The following CNTNAP2 variants were observed in gnomAD, a reference collection of about 807,000 sequenced individuals.
CNTNAP2 encodes contactin associated protein 2.
A neutral mutation model predicts 155.2 loss-of-function variants in CNTNAP2; 98 were observed. The ratio of observed to expected loss-of-function variants is 0.63; its 90% CI spans 0.54 to 0.75. CNTNAP2 has a LOEUF of 0.75. Ranked by LOEUF, CNTNAP2 falls within the 30% of genes least tolerant of loss-of-function variation. The pLI is 0.00. For missense variants in CNTNAP2, 1,727 were observed against 1,688.1 expected (o/e 1.02, Z -0.40); for synonymous variants, 651 against 631.2 (o/e 1.03, Z -0.47).
chr7:147,772,444 C>T (rs1179383462), intron 13 of CNTNAP2, among the ~76,000 whole-genome samples: 4 of 59,734 alleles, frequency 6.7e-5, no homozygotes, highest in Admixed American at 2.4e-4. Flanking sequence ...TTCTCTCTCT[C>T]GCTATATATA....
At chr7:146,730,230 G>A (rs182747024) in intron 1 of CNTNAP2, among the ~76,000 whole-genome samples, 16 of 151,650 alleles carry the variant, frequency 1.1e-4, no homozygotes, top group East Asian at 2.0e-4. Context: ...ACTTGGTGAC[G>A]AACTCAGTTT....
intron 13 of CNTNAP2, among the ~76,000 whole-genome samples, chr7:147,751,561 A>G (rs1053262560): frequency 3.9e-5 from 6 of 152,254 alleles, no homozygotes; most frequent in African/African-American, 1.4e-4. Flanking sequence ...CATGAGAGGC[A>G]ATCATCGTCC....
chr7:148,246,542 A>T (rs1390524616), intron 20 of CNTNAP2, among the ~76,000 whole-genome samples: 1 of 152,200 alleles, frequency 6.6e-6, no homozygotes, highest in Non-Finnish European at 1.5e-5. Flanking sequence ...AACACCCCAC[A>T]TACGAGAATC....
At chr7:146,193,453 G>C (rs1330110766) in intron 1 of CNTNAP2, among the ~76,000 whole-genome samples, 1 of 152,234 alleles carries the variant, frequency 6.6e-6, no homozygotes, top group Non-Finnish European at 1.5e-5. Flanking sequence ...TGCATTCACA[G>C]GTTCAGTGCC....
At chr7:146,956,850 T>TG (rs1797447861) in intron 3 of CNTNAP2, among the ~76,000 whole-genome samples, 1 of 152,070 alleles carries the variant, frequency 6.6e-6, no homozygotes, top group African/African-American at 2.4e-5. Flanking sequence ...AAGAATAGCA[T>TG]GGGGGAATTA....
At chr7:146,259,153 TAA>T (rs1382883772) in intron 1 of CNTNAP2, among the ~76,000 whole-genome samples, 1 of 152,206 alleles carries the variant, frequency 6.6e-6, no homozygotes, top group African/African-American at 2.4e-5. Flanking sequence ...ACTGTGATTG[TAA>T]GTTTCCTGAG....
chr7:148,069,803 C>T (rs1004380309), intron 15 of CNTNAP2, among the ~76,000 whole-genome samples: 5 of 150,610 alleles, frequency 3.3e-5, no homozygotes, highest in Non-Finnish European at 7.4e-5. Context: ...GGGGAGGGGA[C>T]ATATGCATCT....
At chr7:147,618,053 T>C (rs1033513380) in intron 12 of CNTNAP2, among the ~76,000 whole-genome samples, 4 of 152,188 alleles carry the variant, frequency 2.6e-5, no homozygotes, top group African/African-American at 9.7e-5. Flanking sequence ...AAGACTTCTA[T>C]GCCCAAAGAA....
intron 1 of CNTNAP2, among the ~76,000 whole-genome samples, chr7:146,719,897 A>C (rs1801255440): frequency 1.3e-5 from 2 of 152,198 alleles, no homozygotes; most frequent in South Asian, 4.1e-4. Flanking sequence ...GTAAATACCC[A>C]GTAGGAGTGC....
chr7:147,037,423 G>A (rs1189622735), intron 3 of CNTNAP2, among the ~76,000 whole-genome samples: 2 of 147,490 alleles, frequency 1.4e-5, no homozygotes, highest in African/African-American at 5.0e-5. Context: ...TCTTTACTAG[G>A]TATTCGACAT....
intron 13 of CNTNAP2, among the ~76,000 whole-genome samples, chr7:147,794,357 C>T (rs984660058): frequency 1.3e-5 from 2 of 151,894 alleles, no homozygotes; most frequent in African/African-American, 4.8e-5. Context: ...GTGTTTCTAT[C>T]ATTAAAGGGT....
chr7:147,031,573 C>T (rs957386297), intron 3 of CNTNAP2, among the ~76,000 whole-genome samples: 3 of 152,160 alleles, frequency 2.0e-5, no homozygotes, highest in South Asian at 4.1e-4. Context: ...CAAAATTGTT[C>T]TGAGTGAAAG....
chr7:146,846,404 G>GA (rs34258208), intron 3 of CNTNAP2, among the ~76,000 whole-genome samples: 29 of 150,428 alleles, frequency 1.9e-4, no homozygotes, highest in Non-Finnish European at 2.7e-4. Context: ...AACTTGTATA[G>GA]AAAAAAAAAC....
chr7:147,233,290 G>A (rs1205265938), intron 8 of CNTNAP2, among the ~76,000 whole-genome samples: 1 of 152,090 alleles, frequency 6.6e-6, no homozygotes, highest in African/African-American at 2.4e-5. Context: ...CGGCTTGATG[G>A]ACAGGGTGAT....
At chr7:146,131,801 C>T (rs1207020088) in intron 1 of CNTNAP2, among the ~76,000 whole-genome samples, 2 of 152,014 alleles carry the variant, frequency 1.3e-5, no homozygotes, top group African/African-American at 2.4e-5. Context: ...GTAATTTCCA[C>T]GTGTCGAGGG....
chr7:146,780,007 A>T (rs2372766), intron 2 of CNTNAP2, among the ~76,000 whole-genome samples: 24,504 of 152,100 alleles, frequency 0.16, 2,322 homozygotes, highest in South Asian at 0.3. Context: ...TACTAGAATG[A>T]TTTATAATCC....
At chr7:147,223,485 A>G (rs921011156) in intron 8 of CNTNAP2, among the ~76,000 whole-genome samples, 3 of 152,150 alleles carry the variant, frequency 2.0e-5, no homozygotes, top group Non-Finnish European at 2.9e-5. Context: ...AGGGACCCCA[A>G]AAAGCAGCCT....
chr7:146,572,638 C>T (rs561649766), intron 1 of CNTNAP2, among the ~76,000 whole-genome samples: 12 of 152,052 alleles, frequency 7.9e-5, no homozygotes, highest in Non-Finnish European at 1.5e-4. Context: ...GTTTCAATAA[C>T]ATTTTTAAAG....
chr7:146,286,296 C>T (rs183905568), intron 1 of CNTNAP2, among the ~76,000 whole-genome samples: 1 of 151,904 alleles, frequency 6.6e-6, no homozygotes, highest in Non-Finnish European at 1.5e-5. Context: ...CTCTCTCTCT[C>T]TCTTTTTAAC....
Sources: gnomAD v4.1 joint callset for allele counts (sites outside exome capture counted in the v4.1 genomes callset) on GRCh38, gnomAD v4.1.1 for gene constraint, MANE v1.5 for transcripts, NCBI Gene and HGNC (gene_info 2026-07-23, HGNC 2026-07-21) for gene names.